The following PUF60 variants were observed in gnomAD, a reference collection of about 807,000 sequenced individuals.
PUF60 encodes poly(U) binding splicing factor 60, also known as poly(U)-binding-splicing factor PUF60.
In PUF60, 10 loss-of-function variants were observed where a neutral mutation model predicts 61.8. That is an observed-to-expected ratio of 0.16 (90% CI 0.10 to 0.27). The LOEUF is 0.27. PUF60 is among the 10% of genes least tolerant of loss of function. The pLI is 1.00. For missense variants in PUF60, 371 were observed against 754.0 expected, an observed-to-expected ratio of 0.49 and a Z score of 5.95; for synonymous variants, 353 against 300.9, an observed-to-expected ratio of 1.17 and a Z score of -1.79.
At chr8:143,825,340 C>T (rs983879523) in intron 1 of PUF60, among the ~76,000 whole-genome samples, 9 of 152,194 alleles carry the variant, frequency 5.9e-5, no homozygotes, top group African/African-American at 2.2e-4. Context: ...AGGAGCAGCA[C>T]CACCAGCCCA....
intron 1 of PUF60, among the ~76,000 whole-genome samples, chr8:143,826,618 G>A (rs1817664674): frequency 6.6e-6 from 1 of 152,190 alleles, no homozygotes; most frequent in African/African-American, 2.4e-5. Context: ...GGGAGGCTGA[G>A]GTGCTACCAT....
At chr8:143,827,141 A>T (rs1817723972) in intron 1 of PUF60, 1 of 317,008 alleles carries the variant, frequency 3.2e-6, no homozygotes, top group Admixed American at 4.8e-5. Context: ...TGCCAAAATC[A>T]AAGATGACTT....
chr8:143,828,544 C>T lies in PUF60; in HGVS notation c.24+736G>A, dbSNP rs183886429. 2.5e-4 allele frequency among the ~76,000 whole-genome samples: 38 copies of T among 152,362 alleles called. 1 individual carries two copies. In the Middle Eastern group the frequency reaches 0.01, roughly 41 times the overall value. On this transcript the variant is annotated intron_variant, in intron 1 of 11. Coordinates refer to ENST00000526683, the MANE Select transcript of PUF60 (RefSeq NM_078480.3). ...ACTGAGCAGAGCAGGGGGCGACTCA[C>T]TCCTCTGGATGCCCACGCAGCTCCC...
At chr8:143,828,643 G>A (rs756040805) in intron 1 of PUF60, among the ~76,000 whole-genome samples, 1 of 152,210 alleles carries the variant, frequency 6.6e-6, no homozygotes, top group Non-Finnish European at 1.5e-5. Context: ...CTGCCTGTCT[G>A]GTTCCCCACT....
intron 5 of PUF60, chr8:143,820,408 G>A: frequency 1.8e-6 from 1 of 558,498 alleles, no homozygotes; most frequent in Non-Finnish European, 3.2e-6. Context: ...TACCCGCCCT[G>A]GCCGGCTGCC....
rs1002163574 is a variant in PUF60, at chr8:143,817,397, G to C, written c.1078C>G (p.Leu360Val). The C allele has an allele frequency of 1.3e-6, 2 of 1,592,952 alleles. No homozygotes were observed. Among genetic ancestry groups the C allele is most frequent in the Non-Finnish European group, 1.7e-6 (2 of 1,174,178 alleles). The change falls in exon 10 of 12, where the codon CTG (leucine) becomes GTG (valine). Residue 360 changes from leucine to valine, a missense_variant. Transcript: ENST00000526683. This position sits in a 1 kb window ranked among gnomAD's most constrained non-coding sequence, Gnocchi z 7.4. The stretch of plus-strand genomic sequence containing the variant: ...GGCAAAGTGCCCAGGGGCTGGGCCA[G>C]GGTCAGTGCTGGGGACACCAGTCCA... ...TPGLVSPALT[L>V]AQPLGTLPQA...
chr8:143,819,448 G>C (rs1404989200), intron 5 of PUF60, among the ~76,000 whole-genome samples: 1 of 152,076 alleles, frequency 6.6e-6, no homozygotes, highest in Non-Finnish European at 1.5e-5. Flanking sequence ...GCCAGGGCAG[G>C]CAAAGCAGAC....
chr8:143,821,461 G>A (rs577070079), intron 4 of PUF60, 136 bp downstream of exon 4: 8 of 841,126 alleles, frequency 9.5e-6, no homozygotes, highest in African/African-American at 6.7e-5. Flanking sequence ...CGGGGGTCCC[G>A]AGCATGAGTC....
chr8:143,828,846 C>G, intron 1 of PUF60: 1 of 849,780 alleles, frequency 1.2e-6, no homozygotes, highest in Non-Finnish European at 1.4e-6. Flanking sequence ...AGCTGCAGGC[C>G]CCTTTCTACA....
Position 143,817,341 on chromosome 8 carries a change from T to C in PUF60, c.1134A>G (p.Gly378=), listed in dbSNP as rs1816462363. 6.3e-7 allele frequency: 1 copy of C among 1,593,514 alleles called. No homozygotes were observed. Among genetic ancestry groups the C allele is most frequent in the Non-Finnish European group, 8.5e-7 (1 of 1,174,156 alleles). ...CCACTTAAGACTCACCTGTGATGAC[T>C]CCAGGTGCCTGGGCAGCCATGACAG... The part of the protein sequence containing the change: ...PQAVMAAQAP[G]VITGVTPARP... The change falls in exon 10 of 12, where the codon GGA becomes GGG. Residue 378 remains glycine (G), a synonymous_variant. Transcript: ENST00000526683. This position sits in a 1 kb window ranked among gnomAD's most constrained non-coding sequence, Gnocchi z 7.4.
At chr8:143,820,872 G>T (rs1229857820) in intron 4 of PUF60, among the ~76,000 whole-genome samples, 156 bp from the exon 5 acceptor site, 1 of 152,150 alleles carries the variant, frequency 6.6e-6, no homozygotes, top group Non-Finnish European at 1.5e-5. Flanking sequence ...ACCTGCCCAG[G>T]GGGGCCGCAG....
At chr8:143,824,007 G>A (rs1368365567) in intron 2 of PUF60, among the ~76,000 whole-genome samples, 9 of 152,252 alleles carry the variant, frequency 5.9e-5, no homozygotes, top group South Asian at 2.1e-4. Context: ...CTAAGAACGC[G>A]CGAGCTCCAG....
chr8:143,823,505 TG>T (rs902617496), intron 2 of PUF60, among the ~76,000 whole-genome samples: 1 of 152,226 alleles, frequency 6.6e-6, no homozygotes, highest in African/African-American at 2.4e-5. Flanking sequence ...CACCAACCAA[TG>T]GCCGGCTGGG....
intron 1 of PUF60, 28 bp downstream of exon 1, chr8:143,829,252 G>A (rs1554649142): frequency 3.2e-6 from 4 of 1,249,534 alleles, no homozygotes; most frequent in South Asian, 3.2e-5. Context: ...GCCGAGGGCC[G>A]CCCGCGCTCA....
At position 143,817,827 on chromosome 8, in the gene PUF60, G is replaced by C; in HGVS notation, c.817+35C>G. 1 of 1,608,008 alleles carries C rather than the reference G, an allele frequency of 6.2e-7. No individual in the cohort carries two copies. The highest frequency in any genetic ancestry group is 8.5e-7 in the Non-Finnish European group (1 of 1,177,156). ...TGAGCAGGGCCAGCCCCAGCCTCAG[G>C]TGGCCCCCATCCCGCCTCAGCCACC... On this transcript the variant is annotated intron_variant, in intron 8 of 11. Transcript: ENST00000526683. This position sits in a 1 kb window ranked among gnomAD's most constrained non-coding sequence, Gnocchi z 7.4.
Position 143,829,312 on chromosome 8 carries a change from C to T in PUF60, c.-9G>A, listed in dbSNP as rs1318282288. On this transcript the variant is annotated 5_prime_UTR_variant, in exon 1 of 12. Coordinates refer to ENST00000526683, the MANE Select transcript of PUF60 (RefSeq NM_078480.3). Reference sequence around the variant, plus strand: ...ATGGTCGCCGTCGCCATCTTGCGTCCGTCGCGGCCTCCGCGCGCGCCTCCC... The same window carrying T: ...ATGGTCGCCGTCGCCATCTTGCGTCTGTCGCGGCCTCCGCGCGCGCCTCCC... 2 of 1,259,472 alleles carry T rather than the reference C, an allele frequency of 1.6e-6. No individual in the cohort carries two copies. Among genetic ancestry groups the T allele is most frequent in the Admixed American group, 3.8e-5 (1 of 26,146 alleles). 78.0% of individuals were successfully genotyped at this position (1,259,472 alleles called of 1,614,324 possible).
chr8:143,820,613 T>C (rs1816900579), intron 5 of PUF60, 53 bp downstream of exon 5: 2 of 1,575,974 alleles, frequency 1.3e-6, no homozygotes, highest in Non-Finnish European at 1.7e-6. Context: ...ACTGCCCCCC[T>C]CTAGCCCTGA....
Position 143,816,468 on chromosome 8 carries a change from A to G in PUF60, c.*52T>C. ...CCCGGGGACACCACTGTATCACTAT[A>G]AAACCCAGAGGAAACAAGGAACAAG... On this transcript the variant is annotated 3_prime_UTR_variant, in exon 12 of 12. Transcript: ENST00000526683. 6.4e-7 allele frequency: 1 copy of G among 1,561,478 alleles called. No homozygotes were observed. Among genetic ancestry groups the G allele is most frequent in the South Asian group, 1.2e-5 (1 of 82,264 alleles).
In PUF60 at chr8:143,821,804, A is replaced by G; in HGVS notation, c.207+14T>C. 1 of 1,596,408 alleles carries G rather than the reference A, an allele frequency of 6.3e-7. No individual in the cohort carries two copies. Among genetic ancestry groups the G allele is most frequent in the Admixed American group, 1.7e-5 (1 of 59,506 alleles). Reference sequence around the variant, plus strand: ...TGTCCCACACCTGCAGTGCCCTGGGAGGTCCATGCTCACCTTCTGAAGGGC... The same window carrying G: ...TGTCCCACACCTGCAGTGCCCTGGGGGGTCCATGCTCACCTTCTGAAGGGC... On this transcript the variant is annotated intron_variant, in intron 3 of 11. Coordinates refer to ENST00000526683, the MANE Select transcript of PUF60 (RefSeq NM_078480.3).
Sources: allele counts gnomAD v4.1 joint callset (sites outside exome capture counted in the v4.1 genomes callset), GRCh38; gene constraint gnomAD v4.1.1; non-coding constraint Gnocchi (gnomAD v3.1); transcripts MANE v1.5; gene names NCBI Gene and HGNC (gene_info 2026-07-23, HGNC 2026-07-21).